The following SOX5 variants were observed in gnomAD, a reference collection of about 807,000 sequenced individuals.
The protein encoded by SOX5 is SRY-box transcription factor 5, also known as transcription factor SOX-5.
In SOX5, 9 loss-of-function variants were observed where a neutral mutation model predicts 92.0. The ratio of observed to expected loss-of-function variants is 0.10; its 90% CI spans 0.06 to 0.17. The LOEUF (loss-of-function observed/expected upper bound fraction) is 0.17. Among genes scored for constraint, SOX5 ranks in the 10% least tolerant of loss-of-function variants. SOX5 has a pLI of 1.00. For missense variants in SOX5, 642 were observed against 944.5 expected, an observed-to-expected ratio of 0.68 and a Z score of 4.20; for synonymous variants, 344 against 336.3, an observed-to-expected ratio of 1.02 and a Z score of -0.25.
chr12:24,502,823 G>A (rs1242490998), intron 1 of SOX5, among the ~76,000 whole-genome samples: 1 of 152,182 alleles, frequency 6.6e-6, no homozygotes, highest in Admixed American at 6.5e-5. Flanking sequence ...CCCCTGATAT[G>A]ATGCCCTGAG....
intron 2 of SOX5, among the ~76,000 whole-genome samples, chr12:24,338,523 G>T (rs1193030419): frequency 6.6e-6 from 1 of 152,172 alleles, no homozygotes; most frequent in Non-Finnish European, 1.5e-5. Flanking sequence ...TGCTTGTAAT[G>T]GTGTTTGTAC....
chr12:23,678,701 A>G (rs113006501), intron 6 of SOX5, among the ~76,000 whole-genome samples: 3 of 151,742 alleles, frequency 2.0e-5, no homozygotes, highest in Non-Finnish European at 2.9e-5. Flanking sequence ...CAAAAACCCT[A>G]TAAGATAAAT....
At chr12:23,843,455 T>C (rs540517479) in intron 3 of SOX5, among the ~76,000 whole-genome samples, 1 of 151,896 alleles carries the variant, frequency 6.6e-6, no homozygotes, top group Non-Finnish European at 1.5e-5. Context: ...GCTTAATTTT[T>C]CCGTAAATCT....
At chr12:23,651,092 C>A (rs1359897854) in intron 7 of SOX5, among the ~76,000 whole-genome samples, 2 of 151,602 alleles carry the variant, frequency 1.3e-5, no homozygotes, top group African/African-American at 4.8e-5. Flanking sequence ...TATTGTTTCC[C>A]CAAATATTTA....
intron 4 of SOX5, among the ~76,000 whole-genome samples, chr12:24,078,034 G>A (rs1359053337): frequency 6.6e-6 from 1 of 151,386 alleles, no homozygotes; most frequent in Non-Finnish European, 1.5e-5. Context: ...TATTTAAAAA[G>A]CATAACTTTT....
intron 11 of SOX5, among the ~76,000 whole-genome samples, chr12:23,558,012 G>A (rs900202810): frequency 6.6e-6 from 1 of 150,620 alleles, no homozygotes; most frequent in African/African-American, 2.4e-5. Flanking sequence ...ATGTAAGAGT[G>A]GAAGGGCAAA....
At chr12:23,656,055 G>A (rs2082265613) in intron 7 of SOX5, among the ~76,000 whole-genome samples, 2 of 152,080 alleles carry the variant, frequency 1.3e-5, no homozygotes, top group Non-Finnish European at 2.9e-5. Context: ...AGTATGTAGA[G>A]CAGACATTAC....
chr12:24,499,194 G>T (rs1464120902), intron 1 of SOX5, among the ~76,000 whole-genome samples: 1 of 152,206 alleles, frequency 6.6e-6, no homozygotes, highest in East Asian at 1.9e-4. Context: ...CAGAGGGCAT[G>T]GCCCGTGAAA....
intron 2 of SOX5, among the ~76,000 whole-genome samples, chr12:23,865,567 C>T (rs912644819): frequency 6.6e-5 from 10 of 151,764 alleles, no homozygotes; most frequent in East Asian, 1.9e-4. Flanking sequence ...CCCAGCTACT[C>T]GGGAGGCTGA....
At chr12:23,956,818 T>C (rs1048484826) in intron 4 of SOX5, among the ~76,000 whole-genome samples, 5 of 152,132 alleles carry the variant, frequency 3.3e-5, no homozygotes, top group Admixed American at 2.0e-4. Flanking sequence ...CCTGAGTAGC[T>C]TGGATTACAA....
At chr12:23,950,136 G>A (rs1365614546), upstream of SOX5, among the ~76,000 whole-genome samples, 1 of 151,814 alleles carries the variant, frequency 6.6e-6, no homozygotes, top group Admixed American at 6.6e-5. Context: ...ACAGAAGCTC[G>A]ATTAAACTGC....
At chr12:24,484,987 G>C (rs1946371431) in intron 1 of SOX5, among the ~76,000 whole-genome samples, 1 of 152,160 alleles carries the variant, frequency 6.6e-6, no homozygotes, top group South Asian at 2.1e-4. Context: ...GGGCTAGAAA[G>C]ATAAAAAGTT....
chr12:24,461,060 A>G (rs1333639823), intron 1 of SOX5, among the ~76,000 whole-genome samples: 3 of 152,214 alleles, frequency 2.0e-5, no homozygotes, highest in Non-Finnish European at 4.4e-5. Context: ...AAATTGTCAC[A>G]TATTTATGTA....
chr12:23,729,691 G>A (rs985980432), intron 6 of SOX5, among the ~76,000 whole-genome samples: 1 of 152,014 alleles, frequency 6.6e-6, no homozygotes, highest in African/African-American at 2.4e-5. Flanking sequence ...GTAAATTTTT[G>A]GAATCTTTTA....
intron 9 of SOX5, among the ~76,000 whole-genome samples, chr12:23,582,682 T>A (rs908364937): frequency 6.6e-6 from 1 of 152,150 alleles, no homozygotes; most frequent in Non-Finnish European, 1.5e-5. Context: ...TTAGACTTGA[T>A]GGCCATTTAA....
rs534239535 is a variant in SOX5 at position 23,820,684 on chromosome 12, C to T, written c.481+25299G>A. ...AACACCATTTATTAAACAGGGAATC[C>T]TTTCCCATTGCTTGTTTTTGTCAGC... On this transcript the variant is annotated intron_variant, in intron 3 of 14. Coordinates refer to ENST00000451604, the MANE Select transcript of SOX5 (RefSeq NM_006940.6). Among the ~76,000 whole-genome samples the T allele has an allele frequency of 2.0e-5, 3 of 152,268 alleles. No individual in the cohort carries two copies. In the East Asian group the frequency reaches 5.8e-4, roughly 29 times the overall value.
intron 4 of SOX5, among the ~76,000 whole-genome samples, chr12:24,116,684 T>G (rs193167464): frequency 2.6e-5 from 4 of 152,260 alleles, no homozygotes; most frequent in Admixed American, 2.6e-4. Flanking sequence ...TAAGAATTCC[T>G]GATTTAGAAG....
intron 1 of SOX5, among the ~76,000 whole-genome samples, chr12:24,392,031 T>C (rs1959045100): frequency 6.6e-6 from 1 of 152,070 alleles, no homozygotes; most frequent in Non-Finnish European, 1.5e-5. Context: ...ATACTGAAAC[T>C]CAAAGCAACT....
At chr12:24,534,462 G>T (rs1191029942) in intron 1 of SOX5, among the ~76,000 whole-genome samples, 2 of 151,958 alleles carry the variant, frequency 1.3e-5, no homozygotes, top group Admixed American at 6.6e-5. Flanking sequence ...TAAAATTCTG[G>T]TTTTTACACA....
Sources: allele counts gnomAD v4.1 joint callset (sites outside exome capture counted in the v4.1 genomes callset), GRCh38; gene constraint gnomAD v4.1.1; transcripts MANE v1.5; gene names NCBI Gene and HGNC (gene_info 2026-07-23, HGNC 2026-07-21).